The following MBD5 variants were observed in gnomAD, a reference collection of about 807,000 sequenced individuals.
MBD5 encodes the protein methyl-CpG binding domain protein 5, also known as methyl-CpG-binding domain protein 5.
In MBD5, 13 loss-of-function variants were observed where a neutral mutation model predicts 117.3. The observed-to-expected ratio is 0.11, with a 90% CI of 0.07 to 0.18. The LOEUF is 0.18. Ranked by LOEUF, MBD5 falls within the 10% of genes least tolerant of loss-of-function variation. The pLI is 1.00. For synonymous variants in MBD5, 727 were observed against 766.4 expected (o/e 0.95, Z 0.85); for missense variants, 1,879 against 2,093.8 (o/e 0.90, Z 2.00).
intron 2 of MBD5, among the ~76,000 whole-genome samples, chr2:148,210,131 A>G (rs187243387): frequency 6.6e-6 from 1 of 152,316 alleles, no homozygotes; most frequent in Admixed American, 6.5e-5. Flanking sequence ...ATGTTACATA[A>G]TAGATCTTAA....
intron 12 of MBD5, among the ~76,000 whole-genome samples, chr2:148,503,461 T>C (rs1490799017): frequency 2.0e-5 from 3 of 152,228 alleles, no homozygotes; most frequent in Non-Finnish European, 2.9e-5. Context: ...AAGGCTTATA[T>C]AATGATATCA....
intron 3 of MBD5, among the ~76,000 whole-genome samples, chr2:148,291,507 T>C (rs1701500284): frequency 6.6e-6 from 1 of 152,160 alleles, no homozygotes; most frequent in African/African-American, 2.4e-5. Flanking sequence ...TCATTGCCCG[T>C]TTAGAGAAAA....
intron 4 of MBD5, among the ~76,000 whole-genome samples, chr2:148,342,747 CT>C (rs1559031695): frequency 6.6e-6 from 1 of 151,786 alleles, no homozygotes; most frequent in African/African-American, 2.4e-5. Context: ...TTATTTCAGC[CT>C]TTTTAAAAAA....
At chr2:148,261,978 T>C (rs1010079436) in intron 3 of MBD5, among the ~76,000 whole-genome samples, 1 of 152,144 alleles carries the variant, frequency 6.6e-6, no homozygotes, top group Non-Finnish European at 1.5e-5. Context: ...CATTTATCGA[T>C]TGAATTTGCC....
chr2:148,440,536 T>C (rs1389587507), intron 4 of MBD5, among the ~76,000 whole-genome samples: 1 of 152,184 alleles, frequency 6.6e-6, no homozygotes, highest in Non-Finnish European at 1.5e-5. Flanking sequence ...TTTAATATAT[T>C]ATTAAGAAGA....
At chr2:148,247,175 G>A (rs910812763) in intron 3 of MBD5, among the ~76,000 whole-genome samples, 3 of 152,064 alleles carry the variant, frequency 2.0e-5, no homozygotes, top group East Asian at 1.9e-4. Context: ...ACTGTTTCTT[G>A]AAACCATGGT....
At chr2:148,090,037 A>G (rs1276211045) in intron 1 of MBD5, among the ~76,000 whole-genome samples, 2 of 152,098 alleles carry the variant, frequency 1.3e-5, no homozygotes, top group Admixed American at 1.3e-4. Context: ...ACAAAAGATC[A>G]TTCAAGCCTA....
At chr2:148,086,832 G>A (rs1041654979) in intron 1 of MBD5, among the ~76,000 whole-genome samples, 4 of 152,042 alleles carry the variant, frequency 2.6e-5, no homozygotes, top group African/African-American at 4.8e-5. Context: ...AAGTAAATGG[G>A]ACTAGACTTC....
intron 2 of MBD5, among the ~76,000 whole-genome samples, chr2:148,184,434 T>G (rs1157578107): frequency 6.6e-6 from 1 of 152,214 alleles, no homozygotes; most frequent in African/African-American, 2.4e-5. Flanking sequence ...GATCTTTGGA[T>G]TCATTAATTT....
chr2:148,119,558 A>T (rs996339471), intron 1 of MBD5, among the ~76,000 whole-genome samples: 2 of 152,178 alleles, frequency 1.3e-5, no homozygotes, highest in Admixed American at 6.5e-5. Context: ...TTTTGGTGAC[A>T]TACCTAAAGA....
intron 4 of MBD5, among the ~76,000 whole-genome samples, chr2:148,456,614 T>C (rs1240068890): frequency 1.3e-5 from 2 of 152,150 alleles, no homozygotes; most frequent in African/African-American, 2.4e-5. Flanking sequence ...GAAGATGTTA[T>C]GCCTGTAGAT....
At chr2:148,251,872 T>C (rs1218966612) in intron 3 of MBD5, among the ~76,000 whole-genome samples, 1 of 152,202 alleles carries the variant, frequency 6.6e-6, no homozygotes, top group Non-Finnish European at 1.5e-5. Context: ...TGCCTTGCTA[T>C]CACGAGTGAG....
chr2:148,428,557 A>G (rs1480946552), intron 4 of MBD5, among the ~76,000 whole-genome samples: 1 of 152,192 alleles, frequency 6.6e-6, no homozygotes, highest in Admixed American at 6.6e-5. Flanking sequence ...AGGAAAAAGA[A>G]CAAAGCTGGA....
chr2:148,499,156 G>T (rs1027024477), intron 11 of MBD5, among the ~76,000 whole-genome samples: 3 of 152,098 alleles, frequency 2.0e-5, no homozygotes, highest in African/African-American at 7.2e-5. Context: ...AAAAAAATTA[G>T]CTGGGCATTG....
At chr2:148,419,468 G>A (rs931745859) in intron 4 of MBD5, among the ~76,000 whole-genome samples, 1 of 152,186 alleles carries the variant, frequency 6.6e-6, no homozygotes, top group East Asian at 1.9e-4. Context: ...AATTTTATGA[G>A]CTATGAAAAT....
At chr2:148,142,948 T>G (rs1697353766) in intron 1 of MBD5, among the ~76,000 whole-genome samples, 1 of 152,160 alleles carries the variant, frequency 6.6e-6, no homozygotes, top group Non-Finnish European at 1.5e-5. Context: ...CCTATAATAT[T>G]TATAAGTCAT....
intron 3 of MBD5, among the ~76,000 whole-genome samples, chr2:148,338,862 T>C (rs767128419): frequency 3.3e-5 from 5 of 152,148 alleles, no homozygotes; most frequent in Admixed American, 6.5e-5. Flanking sequence ...AAACATATGA[T>C]GTGAAATGAT....
At chr2:148,327,609 T>C (rs1329526486) in intron 3 of MBD5, among the ~76,000 whole-genome samples, 2 of 151,860 alleles carry the variant, frequency 1.3e-5, no homozygotes, top group African/African-American at 2.4e-5. Context: ...CCATCGCTGA[T>C]ACCCTTTCTT....
At chr2:148,247,350 G>T (rs949745455) in intron 3 of MBD5, among the ~76,000 whole-genome samples, 2 of 152,084 alleles carry the variant, frequency 1.3e-5, no homozygotes, top group African/African-American at 4.8e-5. Context: ...GAGCCATTTT[G>T]AATAAAATAC....
Sources: allele counts gnomAD v4.1 joint callset (sites outside exome capture counted in the v4.1 genomes callset), GRCh38; gene constraint gnomAD v4.1.1; transcripts MANE v1.5; gene names NCBI Gene and HGNC (gene_info 2026-07-23, HGNC 2026-07-21).